Variants in PCDHGA1 observed in about 807,000 individuals in gnomAD.
The protein encoded by PCDHGA1 is protocadherin gamma-A1.
Under a neutral mutation model 58.0 loss-of-function variants are expected in PCDHGA1, and 32 were observed. That is an observed-to-expected ratio of 0.55 (90% CI 0.42 to 0.74). PCDHGA1 has a LOEUF of 0.74. Among genes scored for constraint, PCDHGA1 ranks in the 30% least tolerant of loss-of-function variants. The pLI is 0.00. For missense variants in PCDHGA1, 1,205 were observed against 1,182.3 expected (o/e 1.02, Z -0.28); for synonymous variants, 498 against 501.1 (o/e 0.99, Z 0.08).
chr5:141,348,302 A>T (rs918390681), intron 1 of PCDHGA1, among the ~76,000 whole-genome samples: 2 of 152,220 alleles, frequency 1.3e-5, no homozygotes, highest in Non-Finnish European at 2.9e-5. Context: ...TCACTGAAAC[A>T]TGGAAATACA....
chr5:141,355,921 G>A (rs764054199), intron 1 of PCDHGA1: 4 of 1,613,736 alleles, frequency 2.5e-6, no homozygotes, highest in South Asian at 1.1e-5. Flanking sequence ...TAATGCTCCC[G>A]TGTTCACTCA....
In PCDHGA1 at chr5:141,487,265, G is replaced by A; in HGVS notation, c.2422-7542G>A. 2 of 1,614,158 alleles carry A rather than the reference G, an allele frequency of 1.2e-6. 1 individual carries two copies. Among genetic ancestry groups the A allele is most frequent in the South Asian group, 2.2e-5 (2 of 91,084 alleles). On this transcript the variant is annotated intron_variant, in intron 1 of 3. Transcript: ENST00000517417. The surrounding 1 kb of genome is among the most constrained non-coding windows in gnomAD (Gnocchi z 5.0). Reference sequence around the variant, plus strand: ...AACCCTCTACTTGGCTGTGTCCCTAGTGGCAATTTGCTTTGTCTCCTTTGG... The same window carrying A: ...AACCCTCTACTTGGCTGTGTCCCTAATGGCAATTTGCTTTGTCTCCTTTGG...
At chr5:141,472,176 G>C (rs1416695177) in intron 1 of PCDHGA1, among the ~76,000 whole-genome samples, 3 of 152,144 alleles carry the variant, frequency 2.0e-5, no homozygotes, top group Non-Finnish European at 2.9e-5. Context: ...GTAATATCCA[G>C]TATTGGAATT....
intron 1 of PCDHGA1, among the ~76,000 whole-genome samples, chr5:141,406,166 G>A (rs778809031): frequency 1.6e-4 from 24 of 151,400 alleles, no homozygotes; most frequent in Non-Finnish European, 3.2e-4. Context: ...TCAATCTCCT[G>A]GGCTTATGCA....
Position 141,490,148 on chromosome 5 carries a change from A to T in PCDHGA1, c.2422-4659A>T. On this transcript the variant is annotated intron_variant, in intron 1 of 3. Transcript: ENST00000517417. This position sits in a 1 kb window ranked among gnomAD's most constrained non-coding sequence, Gnocchi z 5.4. The stretch of plus-strand genomic sequence containing the variant: ...CTAGACCCTAGCAGTGGGGCAATCC[A>T]TGTGTTGGGTCCCATAGACTTTGAG... The T allele has an allele frequency of 6.2e-7, 1 of 1,614,232 alleles. No homozygotes were observed. The highest frequency in any genetic ancestry group is 1.3e-5 in the African/African-American group (1 of 75,068).
chr5:141,405,514 A>C, intron 1 of PCDHGA1: 1 of 704,834 alleles, frequency 1.4e-6, no homozygotes, highest in Non-Finnish European at 2.3e-6. Context: ...CCGCCTCCCA[A>C]ATTCAAGCGA....
At chr5:141,433,332 T>C (rs1344429296) in intron 1 of PCDHGA1, 7 of 694,580 alleles carry the variant, frequency 1.0e-5, no homozygotes, top group Non-Finnish European at 1.7e-5. Context: ...TAACAGGGAC[T>C]ACAGGTGCAA....
Position 141,476,878 on chromosome 5 carries a change from G to A in PCDHGA1, c.2422-17929G>A. 2 of 1,613,960 alleles carry A rather than the reference G, an allele frequency of 1.2e-6. No homozygotes were observed. The highest frequency in any genetic ancestry group is 1.7e-6 in the Non-Finnish European group (2 of 1,180,034). Reference sequence around the variant, plus strand: ...AGTCCTTGTACCGGGCGCGCGTCCTGGAGGATGCACCCTCCGGCACGCGCG... The same window carrying A: ...AGTCCTTGTACCGGGCGCGCGTCCTAGAGGATGCACCCTCCGGCACGCGCG... On this transcript the variant is annotated intron_variant, in intron 1 of 3. Transcript: ENST00000517417. This position sits in a 1 kb window ranked among gnomAD's most constrained non-coding sequence, Gnocchi z 7.6.
chr5:141,464,578 A>G (rs2099086989), intron 1 of PCDHGA1, among the ~76,000 whole-genome samples: 1 of 152,164 alleles, frequency 6.6e-6, no homozygotes, highest in Non-Finnish European at 1.5e-5. Flanking sequence ...ATAGATGAGA[A>G]TGTCCATTGT....
Position 141,332,311 on chromosome 5 carries a change from A to C in PCDHGA1, c.1627A>C (p.Ser543Arg). The change falls in exon 1 of 4, where the codon AGC becomes CGC. Residue 543 changes from serine (S) to arginine (R), a missense_variant. By Grantham distance (110) the Ser-to-Arg change is moderately radical. Coordinates refer to ENST00000517417, the MANE Select transcript of PCDHGA1 (RefSeq NM_018912.3). The surrounding 1 kb of genome is among the most constrained non-coding windows in gnomAD (Gnocchi z 4.6). ...GCGGGACAGTGGGGATCCGCCCCTC[A>C]GCAGCAACGTGTCTCTCAGCCTATT... ...MARDSGDPPL[S>R]SNVSLSLFLL... 1 of 1,614,186 alleles carries C rather than the reference A, an allele frequency of 6.2e-7. No individual in the cohort carries two copies. The highest frequency in any genetic ancestry group is 8.5e-7 in the Non-Finnish European group (1 of 1,180,030).
rs766472303 is a variant in PCDHGA1, at chr5:141,331,128, A to G, written c.444A>G (p.Pro148=). 2 of 1,614,184 alleles carry G rather than the reference A, an allele frequency of 1.2e-6. No homozygotes were observed. Among genetic ancestry groups the G allele is most frequent in the Non-Finnish European group, 1.7e-6 (2 of 1,180,022 alleles). The change falls in exon 1 of 4, where the codon CCA becomes CCG. Residue 148 remains proline (P), a synonymous_variant. Coordinates refer to ENST00000517417, the MANE Select transcript of PCDHGA1 (RefSeq NM_018912.3). The stretch of plus-strand genomic sequence containing the variant: ...TTAAAATGAATGAAATAACGACTCC[A>G]GGTACCAGAGTCTCATTGCCTTTTG... The part of the protein sequence containing the change: ...LEFKMNEITT[P]GTRVSLPFGQ...
intron 1 of PCDHGA1, chr5:141,414,350 C>G (rs1450829111): frequency 6.2e-7 from 1 of 1,613,726 alleles, no homozygotes; most frequent in East Asian, 2.2e-5. Context: ...TCCATTTTGG[C>G]GTATCTACCA....
chr5:141,350,767 C>T (rs1044213790), intron 1 of PCDHGA1: 5 of 1,613,936 alleles, frequency 3.1e-6, no homozygotes, highest in Non-Finnish European at 4.2e-6. Flanking sequence ...TATACACCAT[C>T]AACCCCAATC....
intron 1 of PCDHGA1, chr5:141,352,555 C>T (rs1448531840): frequency 6.2e-7 from 1 of 1,613,890 alleles, no homozygotes; most frequent in Non-Finnish European, 8.5e-7. Context: ...ATTCTCTCAA[C>T]CTGACACCGG....
chr5:141,384,503 A>G lies in PCDHGA1; in HGVS notation c.2421+51398A>G, dbSNP rs761415530. 6 of 1,614,192 alleles carry G rather than the reference A, an allele frequency of 3.7e-6. No homozygotes were observed. The highest frequency in any genetic ancestry group is 5.1e-6 in the Non-Finnish European group (6 of 1,180,018). ...GAACTACAACTAAGAGTGACTGCAC[A>G]TGACAGCGGGGACCCGCCTCTCAGC... On this transcript the variant is annotated intron_variant, in intron 1 of 3. Transcript: ENST00000517417.
At chr5:141,394,596 G>A (rs1485546922) in intron 1 of PCDHGA1, 2 of 1,613,702 alleles carry the variant, frequency 1.2e-6, no homozygotes, top group Non-Finnish European at 1.7e-6. Flanking sequence ...GGTGGCGGTG[G>A]ACAGAGACTC....
At chr5:141,359,254 A>C (rs1276865273) in intron 1 of PCDHGA1, among the ~76,000 whole-genome samples, 3 of 152,162 alleles carry the variant, frequency 2.0e-5, no homozygotes, top group Non-Finnish European at 4.4e-5. Flanking sequence ...TTAAGCCATA[A>C]AATATAATTT....
chr5:141,383,137 C>A (rs750687055), intron 1 of PCDHGA1: 1 of 1,614,112 alleles, frequency 6.2e-7, no homozygotes, highest in Non-Finnish European at 8.5e-7. Flanking sequence ...CCTGAACCAG[C>A]GCAGCGGCAG....
intron 1 of PCDHGA1, among the ~76,000 whole-genome samples, chr5:141,483,522 C>G (rs557644901): frequency 9.3e-6 from 1 of 107,172 alleles, no homozygotes; most frequent in African/African-American, 3.9e-5. Flanking sequence ...TAGATCCTGA[C>G]TAAGGAAGCT....
Sources: gnomAD v4.1 joint callset for allele counts (sites outside exome capture counted in the v4.1 genomes callset) on GRCh38, gnomAD v4.1.1 for gene constraint, Gnocchi (gnomAD v3.1) non-coding constraint, MANE v1.5 for transcripts, NCBI Gene and HGNC (gene_info 2026-07-23, HGNC 2026-07-21) for gene names.